The following SMG6 variants were observed in gnomAD, a reference collection of about 807,000 sequenced individuals.
SMG6 encodes the protein telomerase-binding protein EST1A.
A neutral mutation model predicts 142.2 loss-of-function variants in SMG6; 66 were observed. The observed-to-expected ratio is 0.46, with a 90% CI of 0.38 to 0.57. SMG6 has a LOEUF of 0.57. SMG6 is among the 20% of genes least tolerant of loss of function. The pLI is 0.00. For missense variants in SMG6, 1,793 were observed against 1,832.0 expected (o/e 0.98, Z 0.39); for synonymous variants, 779 against 702.4 (o/e 1.11, Z -1.72).
At chr17:2,088,629 T>C (rs548367734) in intron 13 of SMG6, 3 of 985,478 alleles carry the variant, frequency 3.0e-6, no homozygotes, top group Non-Finnish European at 3.6e-6. Context: ...GTCTGTCTTT[T>C]GGAAGAGTAC....
chr17:2,236,377 G>T, intron 10 of SMG6, 115 bp downstream of exon 10: 1 of 955,936 alleles, frequency 1.0e-6, no homozygotes, highest in Non-Finnish European at 1.6e-6. Flanking sequence ...TAGGGTGTGT[G>T]TGTTCGGGGG....
At chr17:2,116,164 C>T (rs1164644318) in intron 13 of SMG6, among the ~76,000 whole-genome samples, 2 of 152,236 alleles carry the variant, frequency 1.3e-5, no homozygotes, top group East Asian at 1.9e-4. Context: ...TCAACTGCCT[C>T]GGCCCAAGCA....
At chr17:2,105,402 C>T (rs1312370356) in intron 13 of SMG6, among the ~76,000 whole-genome samples, 4 of 152,100 alleles carry the variant, frequency 2.6e-5, no homozygotes, top group Non-Finnish European at 5.9e-5. Flanking sequence ...AAAAATTAGC[C>T]GGGCGTGGTG....
At chr17:2,245,422 G>GT (rs2073907208) in intron 8 of SMG6, among the ~76,000 whole-genome samples, 1 of 152,166 alleles carries the variant, frequency 6.6e-6, no homozygotes, top group Non-Finnish European at 1.5e-5. Flanking sequence ...ATCTTGCTCT[G>GT]TCACCCAGGC....
chr17:2,278,920 C>A (rs1364734732), intron 8 of SMG6, among the ~76,000 whole-genome samples: 1 of 152,166 alleles, frequency 6.6e-6, no homozygotes, highest in Non-Finnish European at 1.5e-5. Flanking sequence ...TCCCTCGCTG[C>A]CCTTCCCCTC....
At chr17:2,094,871 T>C (rs1432840990) in intron 13 of SMG6, 1 of 152,246 alleles carries the variant, frequency 6.6e-6, no homozygotes, top group Non-Finnish European at 1.5e-5. Flanking sequence ...CTTCTTGAAC[T>C]GTTCCTTCAT....
intron 13 of SMG6, among the ~76,000 whole-genome samples, chr17:2,160,894 T>C (rs1412852873): frequency 6.6e-6 from 1 of 151,674 alleles, no homozygotes; most frequent in Non-Finnish European, 1.5e-5. Flanking sequence ...CTTTTACATA[T>C]ATGATATTAT....
intron 7 of SMG6, among the ~76,000 whole-genome samples, chr17:2,283,095 G>A (rs917882986): frequency 1.1e-4 from 16 of 152,214 alleles, no homozygotes; most frequent in African/African-American, 3.4e-4. Flanking sequence ...ACTTAAATCC[G>A]GGAGGCAGAG....
At chr17:2,132,456 G>C (rs1017956901) in intron 13 of SMG6, among the ~76,000 whole-genome samples, 1 of 152,178 alleles carries the variant, frequency 6.6e-6, no homozygotes, top group Admixed American at 6.5e-5. Flanking sequence ...GTTGTCTATG[G>C]GGAAGCGGTG....
chr17:2,246,727 A>G (rs1038963908), intron 8 of SMG6, among the ~76,000 whole-genome samples: 1 of 152,002 alleles, frequency 6.6e-6, no homozygotes, highest in African/African-American at 2.4e-5. Context: ...AGGTGGATCA[A>G]TTGAGGTCAG....
intron 13 of SMG6, among the ~76,000 whole-genome samples, chr17:2,126,588 G>A (rs1280952474): frequency 6.6e-6 from 1 of 151,784 alleles, no homozygotes; most frequent in Non-Finnish European, 1.5e-5. Context: ...AGCCAGGTGG[G>A]CCCCTGTAAT....
intron 10 of SMG6, among the ~76,000 whole-genome samples, chr17:2,202,854 C>T (rs563258645): frequency 6.6e-6 from 1 of 152,172 alleles, no homozygotes; most frequent in African/African-American, 2.4e-5. Flanking sequence ...GTAGAGAATT[C>T]TCGCCCTCCA....
At chr17:2,169,351 G>C (rs1453699417) in intron 13 of SMG6, among the ~76,000 whole-genome samples, 1 of 151,880 alleles carries the variant, frequency 6.6e-6, no homozygotes, top group Admixed American at 6.6e-5. Flanking sequence ...TACATGGCAG[G>C]CTTATTTAGA....
chr17:2,080,755 C>T (rs1018590984), intron 15 of SMG6, among the ~76,000 whole-genome samples: 1 of 151,950 alleles, frequency 6.6e-6, no homozygotes, highest in Admixed American at 6.5e-5. Context: ...CTTGCCTCAG[C>T]CTCCTGAGTA....
chr17:2,283,264 A>C (rs2151380346), intron 7 of SMG6, among the ~76,000 whole-genome samples: 1 of 152,344 alleles, frequency 6.6e-6, no homozygotes, highest in Non-Finnish European at 1.5e-5. Context: ...GACAATAAAA[A>C]TACTGTACCA....
chr17:2,091,178 G>T (rs2068705344), intron 13 of SMG6, among the ~76,000 whole-genome samples: 1 of 152,156 alleles, frequency 6.6e-6, no homozygotes, highest in South Asian at 2.1e-4. Context: ...CCTACGAAGG[G>T]GTCTGCCAAT....
At chr17:2,064,283 A>G (rs1311089971) in intron 18 of SMG6, among the ~76,000 whole-genome samples, 1 of 152,154 alleles carries the variant, frequency 6.6e-6, no homozygotes, top group African/African-American at 2.4e-5. Context: ...AATGAAAAAA[A>G]TGCCAGAATC....
chr17:2,155,454 T>C (rs1358818466), intron 13 of SMG6, among the ~76,000 whole-genome samples: 3 of 152,174 alleles, frequency 2.0e-5, no homozygotes, highest in Non-Finnish European at 4.4e-5. Context: ...AACAATAAAA[T>C]GATGAGGATA....
intron 13 of SMG6, among the ~76,000 whole-genome samples, chr17:2,113,533 C>A (rs1040813557): frequency 8.5e-5 from 13 of 152,198 alleles, no homozygotes; most frequent in Non-Finnish European, 4.4e-5. Context: ...CGAGAGCACA[C>A]AATTCTTAAA....
Sources: gnomAD v4.1 joint callset for allele counts (sites outside exome capture counted in the v4.1 genomes callset) on GRCh38, gnomAD v4.1.1 for gene constraint, MANE v1.5 for transcripts, NCBI Gene and HGNC (gene_info 2026-07-23, HGNC 2026-07-21) for gene names.